Variants in TFG observed in about 807,000 individuals in gnomAD.
The protein encoded by TFG is protein TFG.
In TFG, 22 loss-of-function variants were observed where a neutral mutation model predicts 51.4. The ratio of observed to expected loss-of-function variants is 0.43; its 90% CI spans 0.31 to 0.61. The LOEUF is 0.61. TFG is among the 20% of genes least tolerant of loss of function. TFG has a pLI of 0.12. For synonymous variants in TFG, 187 were observed against 165.6 expected (o/e 1.13, Z -0.99); for missense variants, 419 against 487.7 (o/e 0.86, Z 1.33).
At chr3:100,725,144 G>A (rs1221803275) in intron 3 of TFG, among the ~76,000 whole-genome samples, 1 of 151,986 alleles carries the variant, frequency 6.6e-6, no homozygotes, top group Non-Finnish European at 1.5e-5. Context: ...CTGACCTTGT[G>A]ATCTGCCTGC....
In TFG at chr3:100,727,114, G is replaced by A. The variant is rs147315783; in HGVS notation, c.269-1598G>A. Among the ~76,000 whole-genome samples, 417 of 152,296 alleles carry A rather than the reference G, an allele frequency of 2.7e-3. 1 individual carries two copies. The highest frequency in any genetic ancestry group is 4.3e-3 in the Non-Finnish European group (290 of 68,030). On this transcript the variant is annotated intron_variant, in intron 3 of 7. Coordinates refer to ENST00000240851, the MANE Select transcript of TFG (RefSeq NM_006070.6). Reference sequence around the variant, plus strand: ...GACTGTTGATCTATCACAGATTATAGTCTTGTGTGATGTTGGTGTTCTTTG... The same window carrying A: ...GACTGTTGATCTATCACAGATTATAATCTTGTGTGATGTTGGTGTTCTTTG...
intron 1 of TFG, chr3:100,709,926 G>T (rs2095025007): frequency 7.0e-6 from 1 of 143,066 alleles, no homozygotes; most frequent in Non-Finnish European, 1.5e-5. Context: ...GGCCTTGCAT[G>T]GGGGGAGGGG....
chr3:100,710,670 G>C (rs192735867), intron 1 of TFG, among the ~76,000 whole-genome samples: 28 of 152,272 alleles, frequency 1.8e-4, no homozygotes, highest in Non-Finnish European at 3.5e-4. Context: ...GACCTTGGGC[G>C]TGTCAGATTA....
intron 3 of TFG, among the ~76,000 whole-genome samples, chr3:100,728,450 G>A (rs982221534): frequency 2.6e-5 from 4 of 151,232 alleles, no homozygotes; most frequent in South Asian, 2.1e-4. Flanking sequence ...AGTAGAGCTC[G>A]GATTTTCCTA....
chr3:100,736,794 C>A, intron 6 of TFG, 78 bp downstream of exon 6: 3 of 1,463,530 alleles, frequency 2.0e-6, no homozygotes, highest in South Asian at 1.4e-5. Flanking sequence ...GTAAACACTT[C>A]ATGTATTTAG....
chr3:100,720,167 T>C, intron 3 of TFG, 109 bp downstream of exon 3: 2 of 604,164 alleles, frequency 3.3e-6, no homozygotes, highest in South Asian at 5.3e-5. Flanking sequence ...ATTCAAATAT[T>C]ATTACATTTA....
intron 3 of TFG, among the ~76,000 whole-genome samples, chr3:100,720,948 T>A (rs1416591168): frequency 1.3e-5 from 2 of 152,192 alleles, no homozygotes; most frequent in Non-Finnish European, 2.9e-5. Context: ...TATTTTTTTT[T>A]AATTTTGTTG....
chr3:100,744,964 GT>G (rs1387674691), intron 7 of TFG, 33 bp downstream of exon 7: 4 of 1,458,728 alleles, frequency 2.7e-6, no homozygotes, highest in Non-Finnish European at 9.5e-7. Flanking sequence ...TTGGCTCATG[GT>G]TTTTTGTTTC....
At position 100,732,679 on chromosome 3, in the gene TFG, T is replaced by C; in HGVS notation, c.580+7T>C. ...ACAGATGATCAGGTTTCAGGTAAGTTGGTTTCCAACTCCTTTACACCCTTC... is the reference window on the plus strand; with the variant it reads ...ACAGATGATCAGGTTTCAGGTAAGTCGGTTTCCAACTCCTTTACACCCTTC... On this transcript the variant is annotated splice_region_variant and intron_variant, in intron 5 of 7. Transcript: ENST00000240851. 6.2e-7 allele frequency: 1 copy of C among 1,607,022 alleles called. No homozygotes were observed. The highest frequency in any genetic ancestry group is 8.5e-7 in the Non-Finnish European group (1 of 1,176,746).
intron 2 of TFG, among the ~76,000 whole-genome samples, chr3:100,715,228 C>G (rs2095042427): frequency 6.6e-6 from 1 of 152,178 alleles, no homozygotes; most frequent in African/African-American, 2.4e-5. Context: ...GTTGAGAAAT[C>G]TTTCAGGGAT....
intron 3 of TFG, among the ~76,000 whole-genome samples, chr3:100,725,002 C>T (rs1244589950): frequency 6.6e-6 from 1 of 152,196 alleles, no homozygotes; most frequent in African/African-American, 2.4e-5. Context: ...CTCCGGGGCT[C>T]ACCCCATTCT....
intron 3 of TFG, among the ~76,000 whole-genome samples, chr3:100,728,092 C>T (rs1307587421): frequency 6.6e-6 from 1 of 152,130 alleles, no homozygotes; most frequent in Non-Finnish European, 1.5e-5. Flanking sequence ...CCTTGGCTTC[C>T]CAAAGTGGTG....
At chr3:100,734,663 T>A (rs2095101713) in intron 5 of TFG, among the ~76,000 whole-genome samples, 2 of 152,196 alleles carry the variant, frequency 1.3e-5, no homozygotes, top group Admixed American at 6.5e-5. Flanking sequence ...TCTGATGGAT[T>A]TACTTTGCCT....
Position 100,713,534 on chromosome 3 carries a change from G to C in TFG, c.-43-109G>C, listed in dbSNP as rs1475137547. ...ATTTTAACATAAATATGGTAACATG[G>C]GGATAATGAATCTTTTGGAGGCTAG... is the stretch of plus-strand genomic sequence containing the variant. On this transcript the variant is annotated intron_variant, in intron 1 of 7. Transcript: ENST00000240851. 2.0e-5 allele frequency: 9 copies of C among 445,076 alleles called. No individual in the cohort carries two copies. In the East Asian group the frequency reaches 2.8e-4, roughly 14 times the overall value. 27.6% of individuals were successfully genotyped at this position (445,076 alleles called of 1,614,324 possible).
intron 6 of TFG, among the ~76,000 whole-genome samples, chr3:100,737,437 G>A (rs1002450209): frequency 6.6e-6 from 1 of 152,208 alleles, no homozygotes; most frequent in South Asian, 2.1e-4. Flanking sequence ...AGGCACTAAG[G>A]TGCCTCATTG....
intron 3 of TFG, among the ~76,000 whole-genome samples, chr3:100,721,992 A>G: frequency 6.6e-6 from 1 of 152,182 alleles, no homozygotes; most frequent in Non-Finnish European, 1.5e-5. Flanking sequence ...CTCTACTGAA[A>G]TGCAAAAAAT....
intron 6 of TFG, among the ~76,000 whole-genome samples, chr3:100,736,992 G>T (rs1559719224): frequency 6.6e-6 from 1 of 152,188 alleles, no homozygotes; most frequent in Non-Finnish European, 1.5e-5. Flanking sequence ...TTGGAGGGGA[G>T]GATAGTGAAG....
At chr3:100,714,943 T>C (rs1402929412) in intron 2 of TFG, among the ~76,000 whole-genome samples, 2 of 152,212 alleles carry the variant, frequency 1.3e-5, no homozygotes, top group Non-Finnish European at 2.9e-5. Context: ...CAACCTGCCT[T>C]CTTTGTTAAT....
At chr3:100,720,995 G>T (rs1271425083) in intron 3 of TFG, among the ~76,000 whole-genome samples, 1 of 151,876 alleles carries the variant, frequency 6.6e-6, no homozygotes, top group African/African-American at 2.4e-5. Context: ...TATGATCATG[G>T]TCTATTGATT....
Sources: allele counts gnomAD v4.1 joint callset (sites outside exome capture counted in the v4.1 genomes callset), GRCh38; gene constraint gnomAD v4.1.1; transcripts MANE v1.5; gene names NCBI Gene and HGNC (gene_info 2026-07-23, HGNC 2026-07-21).